The following THSD7B variants were observed in gnomAD, a reference collection of about 807,000 sequenced individuals.
The protein encoded by THSD7B is thrombospondin type-1 domain-containing protein 7B.
THSD7B carries 138 observed loss-of-function variants against 213.6 expected under a neutral mutation model. That is an observed-to-expected ratio of 0.65 (90% CI 0.56 to 0.74). The LOEUF (loss-of-function observed/expected upper bound fraction) is 0.74, where lower values mean the gene tolerates loss of function less well. THSD7B is among the 30% of genes least tolerant of loss of function. The pLI, the probability that THSD7B is intolerant of heterozygous loss-of-function variation, is 0.00. For synonymous variants in THSD7B, 742 were observed against 687.0 expected (o/e 1.08, Z -1.25); for missense variants, 1,931 against 1,991.5 (o/e 0.97, Z 0.58).
intron 3 of THSD7B, among the ~76,000 whole-genome samples, chr2:137,066,469 C>T (rs1278153406): frequency 6.6e-6 from 1 of 152,090 alleles, no homozygotes; most frequent in East Asian, 1.9e-4. Flanking sequence ...GCTGAGATTA[C>T]AGGCGTGAGC....
intron 1 of THSD7B, among the ~76,000 whole-genome samples, chr2:136,812,593 C>G (rs769466966): frequency 5.9e-5 from 9 of 152,136 alleles, no homozygotes; most frequent in African/African-American, 2.2e-4. Flanking sequence ...ACTTTATATA[C>G]AATGTCCTAT....
intron 1 of THSD7B, among the ~76,000 whole-genome samples, chr2:136,808,026 C>T (rs1682315116): frequency 6.6e-6 from 1 of 152,200 alleles, no homozygotes; most frequent in African/African-American, 2.4e-5. Context: ...AATAGGACTT[C>T]CTACTGATAG....
intron 2 of THSD7B, among the ~76,000 whole-genome samples, chr2:136,975,002 A>G (rs998839415): frequency 6.7e-5 from 10 of 149,096 alleles, no homozygotes; most frequent in Non-Finnish European, 1.3e-4. Context: ...TCTTATTTTG[A>G]GAAGTGTCTT....
chr2:136,935,399 A>G (rs920411726), intron 2 of THSD7B, among the ~76,000 whole-genome samples: 1 of 152,186 alleles, frequency 6.6e-6, no homozygotes. Flanking sequence ...AGGAGACTCT[A>G]TAGAAAGTGT....
intron 1 of THSD7B, among the ~76,000 whole-genome samples, chr2:136,851,371 C>G (rs34197312): frequency 0.14 from 21,021 of 152,046 alleles, 2,164 homozygotes; most frequent in Non-Finnish European, 0.22. Flanking sequence ...AACAGCAGCA[C>G]CTTGCCATTA....
chr2:136,945,144 C>G (rs1336244069), intron 2 of THSD7B, among the ~76,000 whole-genome samples: 1 of 152,132 alleles, frequency 6.6e-6, no homozygotes, highest in Non-Finnish European at 1.5e-5. Flanking sequence ...TCCTTCACTT[C>G]TGAAGCTTAG....
intron 21 of THSD7B, among the ~76,000 whole-genome samples, chr2:137,655,247 A>C (rs1683212833): frequency 6.6e-6 from 1 of 152,224 alleles, no homozygotes; most frequent in Non-Finnish European, 1.5e-5. Context: ...ATCTTGGCTG[A>C]GTTCCAAAAT....
intron 7 of THSD7B, among the ~76,000 whole-genome samples, chr2:137,201,332 C>T (rs1015167236): frequency 3.3e-5 from 5 of 152,250 alleles, no homozygotes; most frequent in African/African-American, 1.2e-4. Flanking sequence ...CATTGGTGGG[C>T]ACTTGGGCTT....
chr2:136,833,304 G>T (rs932048982), intron 1 of THSD7B, among the ~76,000 whole-genome samples: 1 of 39,632 alleles, frequency 2.5e-5, no homozygotes, highest in Non-Finnish European at 6.5e-5. Flanking sequence ...GGTGGAGCTC[G>T]CAGGAGCTGA....
rs377499396 is a variant in THSD7B at position 137,188,280 on chromosome 2, C to T, written c.1723+17342C>T. 2.0e-5 allele frequency among the ~76,000 whole-genome samples: 3 copies of T among 152,280 alleles called. No individual in the cohort carries two copies. In the East Asian group the frequency reaches 5.8e-4, roughly 29 times the overall value. ...GCAGCCTGCCAAGAGCTCCTTCTCC[C>T]TCTCTATTTACCAGCAAATGGATAT... On this transcript the variant is annotated intron_variant, in intron 7 of 27. Transcript: ENST00000409968.
chr2:136,816,007 C>T (rs1455099739), intron 1 of THSD7B, among the ~76,000 whole-genome samples: 1 of 152,122 alleles, frequency 6.6e-6, no homozygotes. Flanking sequence ...GCCTCAGTCT[C>T]CTGAGTAGCT....
At chr2:137,013,407 A>G (rs1686274895) in intron 2 of THSD7B, among the ~76,000 whole-genome samples, 1 of 152,180 alleles carries the variant, frequency 6.6e-6, no homozygotes, top group South Asian at 2.1e-4. Flanking sequence ...TCATGAGTTG[A>G]GAATAAAGAG....
chr2:137,496,564 T>C (rs898481316), intron 15 of THSD7B, among the ~76,000 whole-genome samples: 2 of 152,212 alleles, frequency 1.3e-5, no homozygotes, highest in Non-Finnish European at 1.5e-5. Flanking sequence ...TTTAAGTTAT[T>C]ACCAGTATAA....
chr2:137,290,012 T>C (rs1683286730), intron 12 of THSD7B, among the ~76,000 whole-genome samples: 1 of 151,856 alleles, frequency 6.6e-6, no homozygotes, highest in South Asian at 2.1e-4. Flanking sequence ...GACCTCTTTA[T>C]AAAATGGCTC....
At chr2:136,887,093 A>G (rs1335338471) in intron 2 of THSD7B, among the ~76,000 whole-genome samples, 1 of 152,182 alleles carries the variant, frequency 6.6e-6, no homozygotes, top group African/African-American at 2.4e-5. Context: ...AAATATACAC[A>G]ACATAAACTT....
chr2:137,360,134 C>T (rs550117767), intron 12 of THSD7B, among the ~76,000 whole-genome samples: 5 of 152,258 alleles, frequency 3.3e-5, no homozygotes, highest in East Asian at 1.9e-4. Flanking sequence ...ACAGGGTCCT[C>T]GGAAACCGTG....
At chr2:137,487,015 G>GCACTGA (rs1688463090) in intron 15 of THSD7B, among the ~76,000 whole-genome samples, 1 of 151,150 alleles carries the variant, frequency 6.6e-6, no homozygotes, top group African/African-American at 2.5e-5. Flanking sequence ...GAAATTTATA[G>GCACTGA]CACTGAATGC....
intron 2 of THSD7B, among the ~76,000 whole-genome samples, chr2:136,905,475 C>A (rs1466659217): frequency 6.6e-6 from 1 of 152,172 alleles, no homozygotes; most frequent in African/African-American, 2.4e-5. Flanking sequence ...TGGAAAAGAG[C>A]TATAATAGCT....
chr2:136,802,124 G>A (rs1682193939), intron 1 of THSD7B, among the ~76,000 whole-genome samples: 2 of 151,948 alleles, frequency 1.3e-5, no homozygotes, highest in Admixed American at 1.3e-4. Flanking sequence ...CATTATTAGG[G>A]ACAGAATAAG....
Sources: gnomAD v4.1 joint callset for allele counts (sites outside exome capture counted in the v4.1 genomes callset) on GRCh38, gnomAD v4.1.1 for gene constraint, MANE v1.5 for transcripts, NCBI Gene and HGNC (gene_info 2026-07-23, HGNC 2026-07-21) for gene names.